Variants in CCDC93 observed in about 807,000 individuals in gnomAD.
The protein encoded by CCDC93 is CCC complex scaffolding subunit CCDC93, also known as coiled-coil domain-containing protein 93.
CCDC93 carries 61 observed loss-of-function variants against 108.2 expected under a neutral mutation model. The observed-to-expected ratio is 0.56, with a 90% CI of 0.46 to 0.70. CCDC93 has a LOEUF of 0.70. Ranked by LOEUF, CCDC93 falls within the 30% of genes least tolerant of loss-of-function variation. CCDC93 has a pLI of 0.00. For synonymous variants in CCDC93, 276 were observed against 260.4 expected (o/e 1.06, Z -0.58); for missense variants, 685 against 764.2 (o/e 0.90, Z 1.22).
intron 23 of CCDC93, among the ~76,000 whole-genome samples, chr2:117,929,004 G>C (rs369807013): frequency 6.6e-6 from 1 of 151,640 alleles, no homozygotes; most frequent in Admixed American, 6.6e-5. Flanking sequence ...GCAAACTATT[G>C]CAAGGACAAA....
chr2:117,939,993 C>G (rs1281978044), intron 19 of CCDC93, among the ~76,000 whole-genome samples: 4 of 152,020 alleles, frequency 2.6e-5, no homozygotes, highest in Non-Finnish European at 4.4e-5. Context: ...TTGCAGGGAG[C>G]CTAAGTATTA....
At chr2:117,994,398 T>C (rs1258478197) in intron 6 of CCDC93, among the ~76,000 whole-genome samples, 1 of 152,202 alleles carries the variant, frequency 6.6e-6, no homozygotes, top group Non-Finnish European at 1.5e-5. Context: ...TCCCAAAGGT[T>C]TTCCACCTCT....
intron 8 of CCDC93, among the ~76,000 whole-genome samples, chr2:117,976,373 T>C (rs1339177814): frequency 6.6e-6 from 1 of 152,098 alleles, no homozygotes; most frequent in Non-Finnish European, 1.5e-5. Context: ...AAACCCTTAT[T>C]ATATACCAGA....
At position 117,944,065 on chromosome 2, in the gene CCDC93, T is replaced by G; in HGVS notation, c.1372A>C (p.Asn458His). ...TTGTAAAGTTTCTCTTTCTCCATATTATACCGTCTGTCTAGGTCTTCCTAA... is the reference window on the plus strand; with the variant it reads ...TTGTAAAGTTTCTCTTTCTCCATATGATACCGTCTGTCTAGGTCTTCCTAA... ...THDEDLDRRY[N>H]MEKEKLYKIR... Residue 458 changes from asparagine (N) to histidine (H), a missense_variant, in exon 18 of 24, where the codon AAT (asparagine) becomes CAT (histidine). Transcript: ENST00000376300. The G allele has an allele frequency of 2.5e-6, 4 of 1,605,900 alleles. No individual in the cohort carries two copies. Among genetic ancestry groups the G allele is most frequent in the South Asian group, 1.1e-5 (1 of 88,400 alleles).
rs1679049925 is a variant in CCDC93, at chr2:117,951,285, G to A, written c.1068+1088C>T. 3.0e-6 allele frequency: 3 copies of A among 985,246 alleles called. No individual in the cohort carries two copies. In the Admixed American group the frequency reaches 1.8e-4, roughly 61 times the overall value. 61.0% of individuals were successfully genotyped at this position (985,246 alleles called of 1,614,324 possible). A position where few individuals can be genotyped will look rare whatever the true frequency, so the allele number is the denominator to read the frequency against. On this transcript the variant is annotated intron_variant, in intron 13 of 23. Transcript: ENST00000376300. ...AATCCGTAAGGAACCCAGTCACAGA[G>A]CAATGTAAAGGAAGCTAATCTGTCC...
intron 12 of CCDC93, among the ~76,000 whole-genome samples, chr2:117,956,712 T>C (rs1454817231): frequency 6.6e-6 from 1 of 152,182 alleles, no homozygotes; most frequent in East Asian, 1.9e-4. Context: ...TTTTCATCCT[T>C]CTTTGATCCA....
chr2:117,963,173 GT>G (rs1679448786), intron 11 of CCDC93, among the ~76,000 whole-genome samples: 1 of 152,160 alleles, frequency 6.6e-6, no homozygotes, highest in Non-Finnish European at 1.5e-5. Context: ...CAGACAAGAA[GT>G]CAAACTACCA....
At chr2:117,986,914 T>TA (rs1328026229) in intron 6 of CCDC93, among the ~76,000 whole-genome samples, 1 of 152,068 alleles carries the variant, frequency 6.6e-6, no homozygotes, top group Non-Finnish European at 1.5e-5. Flanking sequence ...ATGGTGTCAG[T>TA]TACTGTGCCT....
intron 7 of CCDC93, among the ~76,000 whole-genome samples, chr2:117,982,761 G>T (rs944615319): frequency 1.3e-5 from 2 of 151,510 alleles, no homozygotes; most frequent in African/African-American, 2.4e-5. Flanking sequence ...GTAGTGGGGG[G>T]GGGGGTGCGT....
At chr2:117,966,306 A>G in intron 11 of CCDC93, among the ~76,000 whole-genome samples, 1 of 152,222 alleles carries the variant, frequency 6.6e-6, no homozygotes, top group Non-Finnish European at 1.5e-5. Context: ...GATTTTATAC[A>G]CTGATGGAGG....
chr2:117,949,772 C>A, intron 13 of CCDC93: 1 of 985,312 alleles, frequency 1.0e-6, no homozygotes, highest in Non-Finnish European at 1.2e-6. Flanking sequence ...GCACAACTTG[C>A]AGCCACCCCT....
At chr2:117,947,534 G>A (rs1056140672) in intron 15 of CCDC93, among the ~76,000 whole-genome samples, 10 of 152,136 alleles carry the variant, frequency 6.6e-5, no homozygotes, top group African/African-American at 9.7e-5. Context: ...CACAAAGGCC[G>A]TCTGTCAACA....
In CCDC93 at chr2:117,928,055, AT is replaced by A. The variant is rs1362041275; in HGVS notation, c.1842+2981del. ...ATGGTGCTGGGAAAACTGGCTAGCC[AT>A]TATGTAGAAAGCTGAAACTGGATCC... On this transcript the variant is annotated intron_variant, in intron 23 of 23. Coordinates refer to ENST00000376300, the MANE Select transcript of CCDC93 (RefSeq NM_019044.5). Among the ~76,000 whole-genome samples the A allele has an allele frequency of 2.6e-4, 40 of 151,656 alleles. No homozygotes were observed. The East Asian group carries it at 6.8e-3, about 26-fold the overall frequency.
At chr2:117,982,585 G>A (rs1288911355) in intron 7 of CCDC93, among the ~76,000 whole-genome samples, 2 of 152,186 alleles carry the variant, frequency 1.3e-5, no homozygotes, top group Non-Finnish European at 2.9e-5. Flanking sequence ...AGGGCACTGT[G>A]GGTGTAACGC....
chr2:118,000,813 G>A lies in CCDC93; in HGVS notation c.363+8C>T. ...TAAGAGGACAAGAAACCACACAGAGGCTCTCACCTGAACAACAGGAAATAT... is the reference window on the plus strand; with the variant it reads ...TAAGAGGACAAGAAACCACACAGAGACTCTCACCTGAACAACAGGAAATAT... On this transcript the variant is annotated splice_region_variant and intron_variant, in intron 4 of 23. Transcript: ENST00000376300. The A allele has an allele frequency of 1.3e-6, 2 of 1,566,326 alleles. No homozygotes were observed. Among genetic ancestry groups the A allele is most frequent in the South Asian group, 2.2e-5 (2 of 90,086 alleles).
chr2:117,931,148 C>T lies in CCDC93; in HGVS notation c.1731G>A (p.Met577Ile), dbSNP rs201154832. ...TTTTGTTCTCTTGCTTTTTCTTTTC[C>T]ATCTGTTGAAACATTGTGGGAAATG... Reference protein sequence around the residue: ...VEGIKQSRMKMEKKKQENKMR... With the variant: ...VEGIKQSRMKIEKKKQENKMR... Residue 577 changes from methionine (M) to isoleucine (I), a missense_variant and splice_region_variant, in exon 23 of 24, where the codon ATG becomes ATA. Met to Ile is a conservative substitution (Grantham distance 10, BLOSUM62 1). Transcript: ENST00000376300. The T allele has an allele frequency of 9.3e-6, 15 of 1,609,478 alleles. No homozygotes were observed. Among genetic ancestry groups the T allele is most frequent in the Admixed American group, 1.7e-5 (1 of 59,930 alleles).
chr2:117,975,248 C>T lies in CCDC93; in HGVS notation c.690G>A (p.Gly230=), dbSNP rs1463801303. ...CATCAGCTTTTTCTGTAGCTGACAG[C>T]CCTGCTGGAAGTGCCGTTTTCTTGT... ...AEDKKTALPA[G]LSATEKADAH... The change falls in exon 9 of 24, where the codon GGG becomes GGA. Residue 230 remains glycine, a synonymous_variant. Coordinates refer to ENST00000376300, the MANE Select transcript of CCDC93 (RefSeq NM_019044.5). The T allele has an allele frequency of 1.2e-6, 2 of 1,613,690 alleles. No homozygotes were observed. Among genetic ancestry groups the T allele is most frequent in the East Asian group, 2.2e-5 (1 of 44,864 alleles).
At chr2:117,986,995 A>G (rs1314656397) in intron 6 of CCDC93, among the ~76,000 whole-genome samples, 3 of 151,650 alleles carry the variant, frequency 2.0e-5, no homozygotes, top group Admixed American at 2.0e-4. Context: ...TACAATTGAA[A>G]GAGTCAGTAA....
intron 2 of CCDC93, among the ~76,000 whole-genome samples, chr2:118,007,665 TCAAACAAA>T (rs377364660): frequency 6.6e-6 from 1 of 151,920 alleles, no homozygotes; most frequent in African/African-American, 2.4e-5. Context: ...AGACTCCATC[TCAAACAAA>T]CAAACAAACA....
Sources: gnomAD v4.1 joint callset for allele counts (sites outside exome capture counted in the v4.1 genomes callset) on GRCh38, gnomAD v4.1.1 for gene constraint, MANE v1.5 for transcripts, NCBI Gene and HGNC (gene_info 2026-07-23, HGNC 2026-07-21) for gene names.